The following ST3GAL5 variants were observed in gnomAD, a reference collection of about 807,000 sequenced individuals.
The protein encoded by ST3GAL5 is lactosylceramide alpha-2,3-sialyltransferase.
Under a neutral mutation model 46.1 loss-of-function variants are expected in ST3GAL5, and 25 were observed. The observed-to-expected ratio is 0.54, with a 90% CI of 0.40 to 0.76. ST3GAL5 has a LOEUF of 0.76. ST3GAL5 is among the 30% of genes least tolerant of loss of function. The probability of loss-of-function intolerance (pLI) is 0.00; values close to 1 mark genes in which losing one functional copy is unlikely to be tolerated. For missense variants in ST3GAL5, 431 were observed against 521.2 expected, an observed-to-expected ratio of 0.83 and a Z score of 1.69; for synonymous variants, 182 against 192.7, an observed-to-expected ratio of 0.94 and a Z score of 0.46.
Position 85,872,933 on chromosome 2 carries a change from C to T in ST3GAL5, c.83-9448G>A, listed in dbSNP as rs183439828. Among the ~76,000 whole-genome samples the T allele has an allele frequency of 5.4e-4, 82 of 152,330 alleles. No individual in the cohort carries two copies. The Middle Eastern group carries it at 0.01, about 19-fold the overall frequency. ...TGTTGGGATGCATGCAGGTTAAAGCCGCCTAGCGACCACATGCAACAGCTA... is the reference window on the plus strand; with the variant it reads ...TGTTGGGATGCATGCAGGTTAAAGCTGCCTAGCGACCACATGCAACAGCTA... On this transcript the variant is annotated intron_variant, in intron 1 of 6. Transcript: ENST00000638572.
At chr2:85,884,427 C>T (rs577223635) in intron 1 of ST3GAL5, among the ~76,000 whole-genome samples, 2 of 152,140 alleles carry the variant, frequency 1.3e-5, no homozygotes, top group Non-Finnish European at 2.9e-5. Flanking sequence ...GAAATTGAAA[C>T]TTTGATCTAC....
chr2:85,882,690 G>A (rs867809152), intron 1 of ST3GAL5, among the ~76,000 whole-genome samples: 8 of 152,074 alleles, frequency 5.3e-5, no homozygotes, highest in East Asian at 1.9e-4. Flanking sequence ...AAAATTAGCC[G>A]GATGTGGTGG....
intron 3 of ST3GAL5, chr2:85,848,423 T>C: frequency 6.6e-7 from 1 of 1,517,892 alleles, no homozygotes; most frequent in Non-Finnish European, 8.9e-7. Context: ...CAGCAGGGTA[T>C]TCATTTCATT....
At position 85,846,562 on chromosome 2, in the gene ST3GAL5, A is replaced by G; in HGVS notation, c.664T>C (p.Leu222=). Residue 222 remains leucine, a splice_region_variant and synonymous_variant, in exon 5 of 7, where the codon TTA becomes CTA. Coordinates refer to ENST00000638572, the MANE Select transcript of ST3GAL5 (RefSeq NM_003896.4). The part of the protein sequence containing the change: ...TLNQFDVVIR[L]NSAPVEGYSE... ...TATCCCTCAACTGGTGCACTGTTTA[A>G]CCTATTTAAATAAAAAGGACAAAGA... 6.2e-7 allele frequency: 1 copy of G among 1,614,016 alleles called. No homozygotes were observed. The highest frequency in any genetic ancestry group is 8.5e-7 in the Non-Finnish European group (1 of 1,180,000).
At chr2:85,859,102 G>T (rs960299048) in intron 3 of ST3GAL5, among the ~76,000 whole-genome samples, 4 of 152,144 alleles carry the variant, frequency 2.6e-5, no homozygotes, top group Admixed American at 6.5e-5. Flanking sequence ...TTCCCCCAGG[G>T]TATTACTAAA....
rs985728413 is a variant in ST3GAL5 at position 85,839,703 on chromosome 2, T to G, written c.*441A>C. On this transcript the variant is annotated 3_prime_UTR_variant, in exon 7 of 7. Coordinates refer to ENST00000638572, the MANE Select transcript of ST3GAL5 (RefSeq NM_003896.4). ...GCTACGGAGCACGTCATCCTGGGAG[T>G]GGATCCTCCGTGGGTCACACCAAGC... 5 of 272,578 alleles carry G rather than the reference T, an allele frequency of 1.8e-5. No homozygotes were observed. The highest frequency in any genetic ancestry group is 3.6e-5 in the Non-Finnish European group (5 of 139,266). The allele number at this position is 272,578 out of a possible 1,614,324, so 16.9% of individuals were successfully genotyped here. A position where few individuals can be genotyped will look rare whatever the true frequency, so the allele number is the denominator to read the frequency against.
intron 3 of ST3GAL5, chr2:85,856,561 C>G (rs1265133531): frequency 6.6e-6 from 1 of 151,892 alleles, no homozygotes; most frequent in Non-Finnish European, 1.5e-5. Flanking sequence ...CACAAAATCA[C>G]TGCACTGTAT....
intron 1 of ST3GAL5, 137 bp from the exon 2 acceptor site, chr2:85,863,622 T>C: frequency 2.1e-6 from 2 of 960,038 alleles, no homozygotes; most frequent in Non-Finnish European, 3.3e-6. Context: ...GAATGAACTG[T>C]TGTTACATGC....
At chr2:85,859,334 C>A (rs1684480590) in intron 3 of ST3GAL5, among the ~76,000 whole-genome samples, 1 of 152,154 alleles carries the variant, frequency 6.6e-6, no homozygotes, top group Admixed American at 6.5e-5. Flanking sequence ...CAAGTGCCAT[C>A]ATTTAAAGAC....
intron 1 of ST3GAL5, chr2:85,887,946 A>G (rs1316988809): frequency 1.3e-5 from 2 of 152,264 alleles, no homozygotes; most frequent in African/African-American, 4.8e-5. Context: ...TGCCTAATTA[A>G]GCAAAAGCCG....
intron 1 of ST3GAL5, among the ~76,000 whole-genome samples, chr2:85,878,809 G>A (rs1175230644): frequency 6.6e-6 from 1 of 152,204 alleles, no homozygotes; most frequent in Non-Finnish European, 1.5e-5. Flanking sequence ...AGTAGACCTT[G>A]TGCATCCTGG....
At chr2:85,870,826 G>A (rs1017510648) in intron 1 of ST3GAL5, among the ~76,000 whole-genome samples, 3 of 150,948 alleles carry the variant, frequency 2.0e-5, no homozygotes, top group Non-Finnish European at 3.0e-5. Context: ...ACAGGTGCCC[G>A]CCACCATGCC....
intron 1 of ST3GAL5, 27 bp downstream of exon 1, chr2:85,888,797 C>G (rs1387819391): frequency 2.3e-5 from 27 of 1,193,894 alleles, no homozygotes; most frequent in Non-Finnish European, 2.8e-5. Flanking sequence ...GCCCCCGCGA[C>G]GCCGAGGAGG....
intron 6 of ST3GAL5, 169 bp from the exon 7 acceptor site, chr2:85,840,561 T>A: frequency 1.4e-6 from 1 of 736,342 alleles, no homozygotes; most frequent in Non-Finnish European, 2.3e-6. Flanking sequence ...ACTCTCCATT[T>A]AAGTCAGGAA....
chr2:85,852,991 C>T (rs150764330), intron 3 of ST3GAL5: 488 of 1,304,178 alleles, frequency 3.7e-4, no homozygotes, highest in African/African-American at 1.2e-3. Flanking sequence ...TTTAAAGGCA[C>T]GGTGTAGGTC....
chr2:85,853,344 C>G, intron 3 of ST3GAL5: 1 of 333,980 alleles, frequency 3.0e-6, no homozygotes, highest in South Asian at 2.4e-5. Flanking sequence ...CACACTTCCT[C>G]TGCTGCAGTA....
intron 1 of ST3GAL5, among the ~76,000 whole-genome samples, chr2:85,866,499 A>G (rs1489108256): frequency 6.6e-6 from 1 of 152,250 alleles, no homozygotes; most frequent in Non-Finnish European, 1.5e-5. Flanking sequence ...CCATGTGACA[A>G]ACCTGTCTAT....
In ST3GAL5 at chr2:85,852,670, A is replaced by G. The variant is rs78470788; in HGVS notation, c.319-4466T>C. On this transcript the variant is annotated intron_variant, in intron 3 of 6. Transcript: ENST00000638572. ...ATTGTGGTGACAGAGGCGTGGCTGCATAAGTTTTTAATACTCATCAAACAA... is the reference window on the plus strand; with the variant it reads ...ATTGTGGTGACAGAGGCGTGGCTGCGTAAGTTTTTAATACTCATCAAACAA... 9.9e-3 allele frequency among the ~76,000 whole-genome samples: 1,502 copies of G among 152,250 alleles called. 29 individuals carry two copies. The highest frequency in any genetic ancestry group is 0.035 in the African/African-American group (1,442 of 41,514).
upstream of ST3GAL5, chr2:85,888,997 C>G: frequency 2.0e-6 from 2 of 992,298 alleles, no homozygotes; most frequent in Non-Finnish European, 2.6e-6. Context: ...AGCTGGGGGC[C>G]GCCGCTCCCC....
Sources: allele counts gnomAD v4.1 joint callset (sites outside exome capture counted in the v4.1 genomes callset), GRCh38; gene constraint gnomAD v4.1.1; transcripts MANE v1.5; gene names NCBI Gene and HGNC (gene_info 2026-07-23, HGNC 2026-07-21).